The following RAD54B variants were observed in gnomAD, a reference collection of about 807,000 sequenced individuals.
The protein encoded by RAD54B is RAD54 homolog B, also known as DNA repair and recombination protein RAD54B.
Under a neutral mutation model 95.8 loss-of-function variants are expected in RAD54B, and 78 were observed. That is an observed-to-expected ratio of 0.81 (90% CI 0.68 to 0.98). The LOEUF (loss-of-function observed/expected upper bound fraction) is 0.98. RAD54B is among the 50% of genes least tolerant of loss of function. The pLI, the probability that RAD54B is intolerant of heterozygous loss-of-function variation, is 0.00. For missense variants in RAD54B, 957 were observed against 1,056.6 expected, an observed-to-expected ratio of 0.91 and a Z score of 1.31; for synonymous variants, 328 against 354.9, an observed-to-expected ratio of 0.92 and a Z score of 0.85.
At chr8:94,454,334 G>A (rs1812733951) in intron 3 of RAD54B, among the ~76,000 whole-genome samples, 1 of 152,036 alleles carries the variant, frequency 6.6e-6, no homozygotes, top group African/African-American at 2.4e-5. Flanking sequence ...AAAATGCTCT[G>A]GAACTAGATA....
At chr8:94,414,048 C>G (rs1291914402) in intron 3 of RAD54B, among the ~76,000 whole-genome samples, 2 of 151,986 alleles carry the variant, frequency 1.3e-5, no homozygotes, top group East Asian at 3.9e-4. Context: ...GTTGGCCAGG[C>G]TGGTCTTGAA....
chr8:94,471,909 A>T (rs896326933), intron 1 of RAD54B, among the ~76,000 whole-genome samples: 3 of 151,970 alleles, frequency 2.0e-5, no homozygotes, highest in Non-Finnish European at 4.4e-5. Flanking sequence ...AAAAATAAAA[A>T]TTTTTTAAAT....
chr8:94,403,242 C>A (rs1811302803), intron 6 of RAD54B, among the ~76,000 whole-genome samples: 1 of 152,114 alleles, frequency 6.6e-6, no homozygotes, highest in African/African-American at 2.4e-5. Context: ...TTAGCAGGGG[C>A]CTTTGATTCT....
chr8:94,436,423 A>G (rs1365789149), intron 3 of RAD54B: 10 of 1,448,660 alleles, frequency 6.9e-6, no homozygotes, highest in Non-Finnish European at 9.1e-6. Flanking sequence ...GCATATCTCT[A>G]TCACGACTAA....
At chr8:94,418,930 A>G (rs1164307936) in intron 3 of RAD54B, among the ~76,000 whole-genome samples, 2 of 152,194 alleles carry the variant, frequency 1.3e-5, no homozygotes, top group Non-Finnish European at 2.9e-5. Flanking sequence ...GGCAGAAATG[A>G]TATCTCCTTA....
intron 6 of RAD54B, among the ~76,000 whole-genome samples, chr8:94,401,943 G>A (rs1211871597): frequency 6.6e-6 from 1 of 152,168 alleles, no homozygotes; most frequent in Non-Finnish European, 1.5e-5. Context: ...ATTGTAAAGG[G>A]TAAATAATTA....
At chr8:94,389,694 G>A (rs2470739) in intron 10 of RAD54B, among the ~76,000 whole-genome samples, 72,376 of 152,082 alleles carry the variant, frequency 0.48, 18,378 homozygotes, top group Non-Finnish European at 0.59. Context: ...ATAGTTACAA[G>A]CCATTGCTTA....
chr8:94,449,294 C>A (rs1812598348), intron 3 of RAD54B, among the ~76,000 whole-genome samples: 1 of 151,310 alleles, frequency 6.6e-6, no homozygotes, highest in African/African-American at 2.4e-5. Flanking sequence ...CCTTGAGTGA[C>A]CCATCTAAAA....
rs74891580 is a variant in RAD54B at position 94,396,464 on chromosome 8, C to G, written c.1379-2582G>C. On this transcript the variant is annotated intron_variant, in intron 8 of 14. Transcript: ENST00000336148. The stretch of plus-strand genomic sequence containing the variant: ...AATAAATCTACCACCCAACCCAACA[C>G]TGTCAATAACCTACACCTATATCCT... Among the ~76,000 whole-genome samples the G allele has an allele frequency of 6.1e-3, 928 of 151,948 alleles. 12 individuals carry two copies. The highest frequency in any genetic ancestry group is 0.021 in the African/African-American group (870 of 41,458).
At chr8:94,386,934 T>C in intron 11 of RAD54B, 50 bp downstream of exon 11, 1 of 1,312,748 alleles carries the variant, frequency 7.6e-7, no homozygotes, top group Non-Finnish European at 1.0e-6. Context: ...AAAGAAATAG[T>C]GCAAACTAAA....
At chr8:94,423,412 C>G (rs1811870093) in intron 3 of RAD54B, among the ~76,000 whole-genome samples, 1 of 152,130 alleles carries the variant, frequency 6.6e-6, no homozygotes, top group Non-Finnish European at 1.5e-5. Context: ...AACTTGTTAT[C>G]ATCAGGATCA....
chr8:94,451,524 A>T (rs1812656226), intron 3 of RAD54B, among the ~76,000 whole-genome samples: 1 of 152,222 alleles, frequency 6.6e-6, no homozygotes, highest in African/African-American at 2.4e-5. Flanking sequence ...CTAATTTCAA[A>T]GGTAAAAATA....
chr8:94,457,294 A>G (rs749639369), intron 3 of RAD54B, among the ~76,000 whole-genome samples: 66 of 152,218 alleles, frequency 4.3e-4, no homozygotes, highest in Non-Finnish European at 1.3e-4. Flanking sequence ...GAGCAGAGCT[A>G]AACTGCCATG....
chr8:94,437,094 G>C, intron 3 of RAD54B: 1 of 782,900 alleles, frequency 1.3e-6, no homozygotes, highest in Non-Finnish European at 1.8e-6. Context: ...CACTGAAGAA[G>C]ACAGGAAGGC....
intron 3 of RAD54B, among the ~76,000 whole-genome samples, chr8:94,443,424 T>A (rs1812446132): frequency 6.6e-6 from 1 of 151,876 alleles, no homozygotes; most frequent in Admixed American, 6.6e-5. Flanking sequence ...CATCTACCTA[T>A]GTAACAAACC....
In RAD54B at chr8:94,404,117, C is replaced by G. The variant is rs1207972154; in HGVS notation, c.904G>C (p.Glu302Gln). The G allele has an allele frequency of 2.5e-6, 4 of 1,609,194 alleles. No homozygotes were observed. The change falls in exon 6 of 15, where the codon GAA (glutamate) becomes CAA (glutamine). Residue 302 changes from glutamate to glutamine, a missense_variant. Transcript: ENST00000336148. ...CATTCATAAAGGAATATGATTCCTT[C>G]TTTCTGATGTGGTCGAAGATGATAT... ...LVYHLRPHQK[E>Q]GIIFLYECVM...
chr8:94,422,617 AATATATATATATATATATAT>A (rs1166692675), intron 3 of RAD54B, among the ~76,000 whole-genome samples: 24 of 43,570 alleles, frequency 5.5e-4, no homozygotes, highest in South Asian at 3.4e-3. Context: ...AAAAAAAAAA[AATATATATATATATATATAT>A]ATATATATAT....
chr8:94,407,504 C>A lies in RAD54B; in HGVS notation c.716G>T (p.Ser239Ile), dbSNP rs1319131077. Residue 239 changes from serine to isoleucine, a missense_variant, in exon 5 of 15, where the codon AGT becomes ATT. Ser to Ile is a moderately radical substitution (Grantham distance 142). Coordinates refer to ENST00000336148, the MANE Select transcript of RAD54B (RefSeq NM_012415.3). ...ATCATTCTGTCTATTTTCCTTTGAACTTGGTTTACAAACACTTTTGAAAGG... is the reference window on the plus strand; with the variant it reads ...ATCATTCTGTCTATTTTCCTTTGAAATTGGTTTACAAACACTTTTGAAAGG... ...SNPFKSVCKP[S>I]SKENRQNDFQ... The A allele has an allele frequency of 6.2e-7, 1 of 1,611,346 alleles. No individual in the cohort carries two copies. Among genetic ancestry groups the A allele is most frequent in the East Asian group, 2.2e-5 (1 of 44,878 alleles).
Position 94,380,224 on chromosome 8 carries a change from C to T in RAD54B, c.2168G>A (p.Gly723Asp). Reference sequence around the variant, plus strand: ...TCCAATGAGGTTAAGTCCTACACCACCAGCTTTTGAACTTAACAAAAAAAT... The same window carrying T: ...TCCAATGAGGTTAAGTCCTACACCATCAGCTTTTGAACTTAACAAAAAAAT... ...FFIFLLSSKA[G>D]GVGLNLIGGS... The change falls in exon 12 of 15, where the codon GGT becomes GAT. Residue 723 changes from glycine (G) to aspartate (D), a missense_variant. Physicochemically the swap from Gly to Asp is moderately conservative, Grantham distance 94. Transcript: ENST00000336148. 1 of 1,613,682 alleles carries T rather than the reference C, an allele frequency of 6.2e-7. No homozygotes were observed. The highest frequency in any genetic ancestry group is 2.2e-5 in the East Asian group (1 of 44,852).
Sources: gnomAD v4.1 joint callset for allele counts (sites outside exome capture counted in the v4.1 genomes callset) on GRCh38, gnomAD v4.1.1 for gene constraint, MANE v1.5 for transcripts, NCBI Gene and HGNC (gene_info 2026-07-23, HGNC 2026-07-21) for gene names.